PLS1: variants seen among roughly 807,000 people sequenced by gnomAD.
PLS1 encodes plastin-1.
In PLS1, 32 loss-of-function variants were observed where a neutral mutation model predicts 73.7. The ratio of observed to expected loss-of-function variants is 0.43; its 90% CI spans 0.33 to 0.58. The LOEUF (loss-of-function observed/expected upper bound fraction) is 0.58. Ranked by LOEUF, PLS1 falls within the 20% of genes least tolerant of loss-of-function variation. PLS1 has a pLI of 0.04. For missense variants in PLS1, 633 were observed against 740.5 expected (o/e 0.85, Z 1.68); for synonymous variants, 217 against 261.3 (o/e 0.83, Z 1.63).
chr3:142,642,807 C>G (rs1421219542), intron 1 of PLS1, among the ~76,000 whole-genome samples: 1 of 152,186 alleles, frequency 6.6e-6, no homozygotes, highest in Non-Finnish European at 1.5e-5. Context: ...CCTCCCACCT[C>G]ACCCCTCCAA....
chr3:142,687,323 C>T (rs967981669), intron 9 of PLS1, among the ~76,000 whole-genome samples: 2 of 151,948 alleles, frequency 1.3e-5, no homozygotes, highest in African/African-American at 4.8e-5. Flanking sequence ...TGTGACCCAC[C>T]GGCCGTGGGT....
chr3:142,620,291 A>AT (rs1361842962), intron 1 of PLS1, among the ~76,000 whole-genome samples: 1 of 151,874 alleles, frequency 6.6e-6, no homozygotes, highest in African/African-American at 2.4e-5. Flanking sequence ...TGCCTGGCTA[A>AT]TTTTTTTGTA....
Position 142,697,984 on chromosome 3 carries a change from C to G in PLS1, c.1288C>G (p.Leu430Val). 1.2e-6 allele frequency: 2 copies of G among 1,613,104 alleles called. No homozygotes were observed. The highest frequency in any genetic ancestry group is 1.7e-6 in the Non-Finnish European group (2 of 1,179,142). Residue 430 changes from leucine (L) to valine (V), a missense_variant, in exon 12 of 16, where the codon CTC (leucine) becomes GTC (valine). Coordinates refer to ENST00000457734, the MANE Select transcript of PLS1 (RefSeq NM_001145319.2). The stretch of plus-strand genomic sequence containing the variant: ...TGCAGATGCTTTAGTGATCTTTCAG[C>G]TCTATGAGATGATCCGAGTGCCAGT... ...DLADALVIFQLYEMIRVPVNW... is the reference protein window; with the variant it reads ...DLADALVIFQVYEMIRVPVNW...
chr3:142,672,680 C>T (rs1386047331), intron 4 of PLS1, among the ~76,000 whole-genome samples: 1 of 152,062 alleles, frequency 6.6e-6, no homozygotes, highest in Non-Finnish European at 1.5e-5. Context: ...TTGATGATTT[C>T]TTTTAACCTA....
intron 1 of PLS1, among the ~76,000 whole-genome samples, chr3:142,620,511 T>G (rs2036295393): frequency 6.6e-6 from 1 of 152,214 alleles, no homozygotes; most frequent in African/African-American, 2.4e-5. Flanking sequence ...AAGCAAATGT[T>G]TATGGGTTTA....
chr3:142,633,415 G>A (rs1238150588), intron 1 of PLS1, among the ~76,000 whole-genome samples: 2 of 152,180 alleles, frequency 1.3e-5, no homozygotes, highest in Admixed American at 1.3e-4. Context: ...AAGCACTTTG[G>A]GAGGCCGAGA....
chr3:142,708,914 C>T (rs1368551571), intron 14 of PLS1, among the ~76,000 whole-genome samples: 1 of 152,106 alleles, frequency 6.6e-6, no homozygotes, highest in Non-Finnish European at 1.5e-5. Context: ...CTTCATTAAA[C>T]TCAGTAGAAG....
chr3:142,664,971 CT>C (rs74661149), intron 2 of PLS1, among the ~76,000 whole-genome samples: 512 of 141,516 alleles, frequency 3.6e-3, no homozygotes, highest in Middle Eastern at 3.8e-3. Context: ...ATATAAATAC[CT>C]TTTTTTTTTT....
At chr3:142,684,759 C>A (rs549312173) in intron 8 of PLS1, among the ~76,000 whole-genome samples, 1 of 152,168 alleles carries the variant, frequency 6.6e-6, no homozygotes, top group Non-Finnish European at 1.5e-5. Context: ...AACACTCTTA[C>A]TCCCACTTTG....
At chr3:142,670,872 A>G (rs2037590254) in intron 3 of PLS1, 121 bp from the exon 4 acceptor site, 1 of 632,044 alleles carries the variant, frequency 1.6e-6, no homozygotes, top group Non-Finnish European at 2.7e-6. Flanking sequence ...TACAAGCAAT[A>G]AGTACAACTG....
chr3:142,684,546 A>C lies in PLS1; in HGVS notation c.888+151A>C, dbSNP rs550285981. ...ATTACTGTGTGAAGTAGATCCCCCA[A>C]TTATATTCACAAAATATATATTTTC... On this transcript the variant is annotated intron_variant, in intron 8 of 15. Transcript: ENST00000457734. 7.9e-6 allele frequency: 5 copies of C among 631,354 alleles called. No homozygotes were observed. In the South Asian group the frequency reaches 1.1e-4, roughly 14 times the overall value. 39.1% of individuals were successfully genotyped at this position (631,354 alleles called of 1,614,324 possible). A position where few individuals can be genotyped will look rare whatever the true frequency, so the allele number is the denominator to read the frequency against.
chr3:142,703,249 A>T (rs899362094), intron 12 of PLS1, among the ~76,000 whole-genome samples: 1 of 151,756 alleles, frequency 6.6e-6, no homozygotes, highest in Non-Finnish European at 1.5e-5. Flanking sequence ...TTAGGCACAC[A>T]TGTGCCATTA....
intron 6 of PLS1, among the ~76,000 whole-genome samples, chr3:142,681,302 T>C (rs973038127): frequency 1.3e-5 from 2 of 151,350 alleles, no homozygotes; most frequent in African/African-American, 4.9e-5. Context: ...ATATATTCTA[T>C]AAATAAGATA....
intron 6 of PLS1, 86 bp from the exon 7 acceptor site, chr3:142,683,920 C>T: frequency 1.2e-6 from 1 of 858,954 alleles, no homozygotes; most frequent in Non-Finnish European, 1.8e-6. Flanking sequence ...TGAAATTTGG[C>T]AGTCCATTGT....
chr3:142,700,243 A>G (rs534207256), intron 12 of PLS1, among the ~76,000 whole-genome samples: 20 of 152,254 alleles, frequency 1.3e-4, no homozygotes, highest in African/African-American at 4.8e-4. Flanking sequence ...AATACATGTC[A>G]CTTTCCTTCG....
chr3:142,599,029 A>T (rs1577749696), intron 1 of PLS1, among the ~76,000 whole-genome samples: 1 of 151,578 alleles, frequency 6.6e-6, no homozygotes, highest in Non-Finnish European at 1.5e-5. Flanking sequence ...TCGAATTGTG[A>T]CATTGTCTCT....
intron 2 of PLS1, among the ~76,000 whole-genome samples, chr3:142,666,724 T>C (rs2107833663): frequency 6.6e-6 from 1 of 152,324 alleles, no homozygotes; most frequent in African/African-American, 2.4e-5. Flanking sequence ...ACTACCATAC[T>C]GTTTTCCATA....
rs557076968 is a variant in PLS1 at position 142,598,028 on chromosome 3, T to C, written c.-37+1519T>C. ...CAAAATGCCTGTTTGCCTCCCTCTT[T>C]CCGTATTGAAGTCCTGCTCATGCTG... On this transcript the variant is annotated intron_variant, in intron 1 of 15. Transcript: ENST00000457734. 1.8e-3 allele frequency among the ~76,000 whole-genome samples: 279 copies of C among 152,264 alleles called. 1 individual carries two copies. The highest frequency in any genetic ancestry group is 6.1e-3 in the African/African-American group (255 of 41,542).
intron 2 of PLS1, among the ~76,000 whole-genome samples, chr3:142,664,723 T>C (rs575980677): frequency 1.3e-5 from 2 of 152,360 alleles, no homozygotes; most frequent in South Asian, 2.1e-4. Flanking sequence ...TGTTTTTAAA[T>C]GCCATATGTC....
Sources: allele counts gnomAD v4.1 joint callset (sites outside exome capture counted in the v4.1 genomes callset), GRCh38; gene constraint gnomAD v4.1.1; transcripts MANE v1.5; gene names NCBI Gene and HGNC (gene_info 2026-07-23, HGNC 2026-07-21).